The following SLC4A1 variants were observed in gnomAD, a reference collection of about 807,000 sequenced individuals.
The protein encoded by SLC4A1 is band 3 anion transport protein.
In SLC4A1, 29 loss-of-function variants were observed where a neutral mutation model predicts 93.1. The observed-to-expected ratio is 0.31, with a 90% CI of 0.23 to 0.42. The LOEUF (loss-of-function observed/expected upper bound fraction) is 0.42, where lower values mean the gene tolerates loss of function less well. SLC4A1 is among the 20% of genes least tolerant of loss of function. The probability of loss-of-function intolerance (pLI) is 1.00; values close to 1 mark genes in which losing one functional copy is unlikely to be tolerated. For missense variants in SLC4A1, 965 were observed against 1,190.1 expected, an observed-to-expected ratio of 0.81 and a Z score of 2.78; for synonymous variants, 469 against 497.2, an observed-to-expected ratio of 0.94 and a Z score of 0.76.
rs1248859174 is a variant in SLC4A1 at position 44,258,082 on chromosome 17, C to T, written c.1186G>A (p.Asp396Asn). The part of the protein sequence containing the change: ...IRRRYPYYLS[D>N]ITDAFSPQVL... ...TGGGGGCTGAATGCATCTGTGATGT[C>T]ACTCAGGTAATAGGGGTAGCGGCGC... Residue 396 changes from aspartate to asparagine, a missense_variant, in exon 11 of 20, where the codon GAC (aspartate) becomes AAC (asparagine). Around this residue, in one of 2 missense-constraint regions of SLC4A1, gnomAD observed 770 missense variants for 1,006.6 expected, o/e 0.76. Transcript: ENST00000262418. The surrounding 1 kb of genome is among the most constrained non-coding windows in gnomAD (Gnocchi z 6.1). 5 of 1,613,956 alleles carry T rather than the reference C, an allele frequency of 3.1e-6. No homozygotes were observed. Among genetic ancestry groups the T allele is most frequent in the Non-Finnish European group, 3.4e-6 (4 of 1,180,016 alleles).
chr17:44,260,001 C>A, intron 6 of SLC4A1, 69 bp from the exon 7 acceptor site: 1 of 1,591,300 alleles, frequency 6.3e-7, no homozygotes, highest in South Asian at 1.1e-5. Flanking sequence ...TGGGAGGGAT[C>A]AAGGGCGAAC....
intron 1 of SLC4A1, among the ~76,000 whole-genome samples, chr17:44,263,713 C>T (rs1212155365): frequency 1.4e-5 from 2 of 139,042 alleles, no homozygotes; most frequent in African/African-American, 6.3e-5. Context: ...TTCCCTCCTT[C>T]CTTCCTTCCT....
intron 17 of SLC4A1, among the ~76,000 whole-genome samples, chr17:44,252,817 A>G (rs1391345985): frequency 6.6e-6 from 1 of 152,214 alleles, no homozygotes; most frequent in Non-Finnish European, 1.5e-5. Context: ...GGTTAGCAGC[A>G]GGGCAGGGCT....
chr17:44,254,547 A>G lies in SLC4A1; in HGVS notation c.2006T>C (p.Leu669Pro). The G allele has an allele frequency of 6.3e-7, 1 of 1,595,862 alleles. No homozygotes were observed. Reference sequence around the variant, plus strand: ...GAGGATGAAGACCAGCAGAGCAGGCAGGGCGGAGGCAAACATCATCCAGAT... The same window carrying G: ...GAGGATGAAGACCAGCAGAGCAGGCGGGGCGGAGGCAAACATCATCCAGAT... ...FPIWMMFASA[L>P]PALLVFILIF... Residue 669 changes from leucine to proline, a missense_variant, in exon 16 of 20, where the codon CTG (leucine) becomes CCG (proline). Around this residue, in one of 2 missense-constraint regions of SLC4A1, gnomAD observed 770 missense variants for 1,006.6 expected, o/e 0.76. Transcript: ENST00000262418.
Position 44,257,465 on chromosome 17 carries a change from A to G in SLC4A1, c.1511T>C (p.Val504Ala), listed in dbSNP as rs771251554. Residue 504 changes from valine to alanine, a missense_variant, in exon 13 of 20, where the codon GTG (valine) becomes GCG (alanine). By Grantham distance (64) the Val-to-Ala change is moderately conservative. This residue lies in a region of SLC4A1 where 770 missense variants were observed against 1,006.6 expected (regional missense o/e 0.76). Transcript: ENST00000262418. ...GFWLILLVVL[V>A]VAFEGSFLVR... The stretch of plus-strand genomic sequence containing the variant: ...CAGGAAGCTACCCTCGAAGGCCACC[A>G]CCAACACCACCAGCAGGATGAGCCA... The G allele has an allele frequency of 6.2e-7, 1 of 1,614,042 alleles. No homozygotes were observed. Among genetic ancestry groups the G allele is most frequent in the Middle Eastern group, 1.6e-4 (1 of 6,062 alleles).
chr17:44,266,555 T>C (rs2047497463), intron 1 of SLC4A1, among the ~76,000 whole-genome samples: 1 of 152,124 alleles, frequency 6.6e-6, no homozygotes, highest in Non-Finnish European at 1.5e-5. Flanking sequence ...ATCTGTACAA[T>C]GGGAGTGCCT....
chr17:44,260,080 G>A (rs2047429277), intron 6 of SLC4A1, 148 bp from the exon 7 acceptor site: 1 of 1,059,960 alleles, frequency 9.4e-7, no homozygotes, highest in East Asian at 2.4e-5. Context: ...GAGAGACCCT[G>A]GGATGGAAGG....
At chr17:44,252,142 G>A (rs914303862) in intron 17 of SLC4A1, among the ~76,000 whole-genome samples, 2 of 132,202 alleles carry the variant, frequency 1.5e-5, no homozygotes, top group Admixed American at 9.1e-5. Flanking sequence ...TTCAACCTCC[G>A]CCTCCTGGGT....
intron 1 of SLC4A1, among the ~76,000 whole-genome samples, chr17:44,263,352 C>G (rs1233304431): frequency 6.6e-6 from 1 of 152,152 alleles, no homozygotes; most frequent in Non-Finnish European, 1.5e-5. Flanking sequence ...ATGCTCTTCT[C>G]TCAGAAATAG....
chr17:44,251,670 G>T, intron 17 of SLC4A1, 82 bp from the exon 18 acceptor site: 2 of 1,256,236 alleles, frequency 1.6e-6, no homozygotes, highest in Non-Finnish European at 2.3e-6. Context: ...CTGGGGCTGG[G>T]AATAAAACAC....
In SLC4A1 at chr17:44,251,162, C is replaced by G. The variant is rs761614805; in HGVS notation, c.2652G>C (p.Gln884His). ...LPLIFRNVEL[Q>H]CLDADDAKAT... ...CCAGGCCCAGGCAGCCACTCACACA[C>G]TGAAGCTCCACGTTCCTGAAGATGA... Residue 884 changes from glutamine (Q) to histidine (H), a missense_variant, in exon 19 of 20, where the codon CAG (glutamine) becomes CAC (histidine). Gln to His is a conservative substitution (Grantham distance 24). Transcript: ENST00000262418. 6.3e-7 allele frequency: 1 copy of G among 1,599,242 alleles called. No individual in the cohort carries two copies. The highest frequency in any genetic ancestry group is 1.1e-5 in the South Asian group (1 of 89,154).
rs1053274040 is a variant in SLC4A1 at position 44,259,962 on chromosome 17, G to A, written c.486-30C>T. 11 of 1,612,136 alleles carry A rather than the reference G, an allele frequency of 6.8e-6. No individual in the cohort carries two copies. In the African/African-American group the frequency reaches 1.3e-4, roughly 20 times the overall value. On this transcript the variant is annotated intron_variant, in intron 6 of 19. Coordinates refer to ENST00000262418, the MANE Select transcript of SLC4A1 (RefSeq NM_000342.4). ...AGGACGTACAGGGGACATGGGCTGA[G>A]TAAGCTGTTCAGGCTGAGCTATCAG...
intron 1 of SLC4A1, among the ~76,000 whole-genome samples, chr17:44,265,052 G>A (rs1420338651): frequency 1.9e-5 from 2 of 104,342 alleles, no homozygotes; most frequent in African/African-American, 7.6e-5. Context: ...AGGGGGTGCC[G>A]AGCACTGGGG....
intron 12 of SLC4A1, 41 bp downstream of exon 12, chr17:44,257,618 C>G (rs756026715): frequency 6.2e-7 from 1 of 1,613,076 alleles, no homozygotes; most frequent in African/African-American, 1.3e-5. Context: ...GCAGGTGGTG[C>G]GGGGGACATG....
At chr17:44,259,985 C>T in intron 6 of SLC4A1, 53 bp from the exon 7 acceptor site, 9 of 1,608,306 alleles carry the variant, frequency 5.6e-6, no homozygotes, top group Non-Finnish European at 7.6e-6. Flanking sequence ...GCTGAGCTAT[C>T]AGTGGTGGGA....
At position 44,248,848 on chromosome 17, in the gene SLC4A1, C is replaced by CTTTTT. The variant is rs1567826431; in HGVS notation, c.*1609_*1610insAAAAA. On this transcript the variant is annotated 3_prime_UTR_variant, in exon 20 of 20. Transcript: ENST00000262418. Reference sequence around the variant, plus strand: ...GGCCCCCAAGGCTGATGTTTCCTTCCGTTTTTTTTTTTTTTTTTTTTTTTT... The same window carrying CTTTTT: ...GGCCCCCAAGGCTGATGTTTCCTTCCTTTTTGTTTTTTTTTTTTTTTTTTTTTTTT... 2 of 115,730 alleles carry CTTTTT rather than the reference C, an allele frequency of 1.7e-5. No individual in the cohort carries two copies. The highest frequency in any genetic ancestry group is 3.1e-5 in the Non-Finnish European group (2 of 64,182). 7.2% of individuals were successfully genotyped at this position (115,730 alleles called of 1,614,324 possible). A position where few individuals can be genotyped will look rare whatever the true frequency, so the allele number is the denominator to read the frequency against.
Position 44,259,279 on chromosome 17 carries a change from C to T in SLC4A1, c.760G>A (p.Glu254Lys). The T allele has an allele frequency of 6.2e-7, 1 of 1,613,990 alleles. No individual in the cohort carries two copies. ...FVRLQEAAEL[E>K]AVELPVPIRF... ...ATAGGCACCGGCAGCTCCACCGCCT[C>T]CAGCTCCGCTGCCTCCTGCAGCCTC... Residue 254 changes from glutamate (E) to lysine (K), a missense_variant, in exon 9 of 20, where the codon GAG becomes AAG. Glu to Lys is a moderately conservative substitution (Grantham distance 56). This residue lies in a region of SLC4A1 where 770 missense variants were observed against 1,006.6 expected (regional missense o/e 0.76). Coordinates refer to ENST00000262418, the MANE Select transcript of SLC4A1 (RefSeq NM_000342.4).
intron 1 of SLC4A1, among the ~76,000 whole-genome samples, chr17:44,265,561 C>G (rs369878103): frequency 1.3e-5 from 2 of 151,986 alleles, no homozygotes; most frequent in Non-Finnish European, 2.9e-5. Context: ...TTAGTAGAGA[C>G]GGGGTTTCAC....
At chr17:44,264,027 G>A (rs1014704300) in intron 1 of SLC4A1, among the ~76,000 whole-genome samples, 20 of 151,676 alleles carry the variant, frequency 1.3e-4, no homozygotes, top group Admixed American at 8.5e-4. Flanking sequence ...TTTTGAGAGC[G>A]GGTCTCCCTC....
Sources: gnomAD v4.1 joint callset for allele counts (sites outside exome capture counted in the v4.1 genomes callset) on GRCh38, gnomAD v4.1.1 for gene constraint, gnomAD v4.1.1 regional missense constraint, Gnocchi (gnomAD v3.1) non-coding constraint, MANE v1.5 for transcripts, NCBI Gene and HGNC (gene_info 2026-07-23, HGNC 2026-07-21) for gene names.